The following PIEZO1 variants were observed in gnomAD, a reference collection of about 807,000 sequenced individuals.
PIEZO1 encodes the protein piezo-type mechanosensitive ion channel component 1.
PIEZO1 carries 296 observed loss-of-function variants against 297.2 expected under a neutral mutation model. The ratio of observed to expected loss-of-function variants is 1.00; its 90% CI spans 0.91 to 1.10. The LOEUF is 1.10. Ranked by LOEUF, PIEZO1 falls within the 50% of genes least tolerant of loss-of-function variation. The pLI, the probability that PIEZO1 is intolerant of heterozygous loss-of-function variation, is 0.00. For synonymous variants in PIEZO1, 2,427 were observed against 1,507.5 expected, an observed-to-expected ratio of 1.61 and a Z score of -14.13; for missense variants, 5,018 against 3,455.5, an observed-to-expected ratio of 1.45 and a Z score of -11.34.
intron 10 of PIEZO1, chr16:88,737,109 A>AAAGT (rs1257959669): frequency 4.2e-6 from 1 of 236,874 alleles, no homozygotes; most frequent in Non-Finnish European, 8.2e-6. Flanking sequence ...GTAAAGAAAG[A>AAAGT]AAGTAGCCAG....
chr16:88,717,778 C>A, intron 44 of PIEZO1: 4 of 451,048 alleles, frequency 8.9e-6, no homozygotes, highest in South Asian at 6.4e-5. Context: ...ACAGAGAATT[C>A]TTCCAATTCA....
chr16:88,747,506 A>T (rs915002265), intron 2 of PIEZO1, among the ~76,000 whole-genome samples: 1 of 152,024 alleles, frequency 6.6e-6, no homozygotes, highest in Non-Finnish European at 1.5e-5. Flanking sequence ...ACAGAGTGAG[A>T]CTCCATCTCA....
At position 88,715,478 on chromosome 16, in the gene PIEZO1, G is replaced by A. The variant is rs937824210; in HGVS notation, c.*127C>T. On this transcript the variant is annotated 3_prime_UTR_variant, in exon 51 of 51. Coordinates refer to ENST00000301015, the MANE Select transcript of PIEZO1 (RefSeq NM_001142864.4). ...AGCAGCATCAGGGCTCAGGCAGGCC[G>A]GGAGGATGCATCACAGCTGGCGGCC... 72 of 1,067,864 alleles carry A rather than the reference G, an allele frequency of 6.7e-5. No homozygotes were observed. The highest frequency in any genetic ancestry group is 4.0e-4 in the South Asian group (26 of 64,696). The allele number at this position is 1,067,864 out of a possible 1,614,324, so 66.1% of individuals were successfully genotyped here. A position where few individuals can be genotyped will look rare whatever the true frequency, so the allele number is the denominator to read the frequency against.
chr16:88,743,813 G>C (rs1013922756), intron 2 of PIEZO1: 2 of 375,966 alleles, frequency 5.3e-6, no homozygotes, highest in South Asian at 1.9e-5. Context: ...ACCTTCCTAG[G>C]GTTGCCCCAG....
rs1196029176 is a variant in PIEZO1, at chr16:88,726,641, G to A, written c.3702C>T (p.Leu1234=). 6.5e-7 allele frequency: 1 copy of A among 1,546,516 alleles called. No individual in the cohort carries two copies. Among genetic ancestry groups the A allele is most frequent in the South Asian group, 1.2e-5 (1 of 83,892 alleles). Residue 1234 remains leucine, a splice_region_variant and synonymous_variant, in exon 26 of 51, where the codon CTC becomes CTT. Coordinates refer to ENST00000301015, the MANE Select transcript of PIEZO1 (RefSeq NM_001142864.4). The stretch of plus-strand genomic sequence containing the variant: ...TCTGCTCCACGAAGACGCAGGCCAG[G>A]AGCTGGGGGAGAGCAGGGTCAGCGG... The part of the protein sequence containing the change: ...TVIISKNMLS[L]LACVFVEQMQ...
At chr16:88,767,363 C>A (rs1907225144) in intron 1 of PIEZO1, among the ~76,000 whole-genome samples, 1 of 152,134 alleles carries the variant, frequency 6.6e-6, no homozygotes, top group Non-Finnish European at 1.5e-5. Flanking sequence ...CTTTAAGTCA[C>A]AAAAACAGGC....
intron 48 of PIEZO1, 34 bp from the exon 49 acceptor site, chr16:88,716,311 C>T (rs775703527): frequency 6.7e-7 from 1 of 1,496,090 alleles, no homozygotes; most frequent in South Asian, 1.3e-5. Flanking sequence ...AGGCCTGGCC[C>T]AGCCAACCTG....
intron 1 of PIEZO1, among the ~76,000 whole-genome samples, chr16:88,770,036 G>A (rs929430604): frequency 4.6e-5 from 7 of 152,316 alleles, no homozygotes; most frequent in Non-Finnish European, 7.4e-5. Context: ...GAGAGGAAGT[G>A]AGGGACTGTT....
Position 88,738,702 on chromosome 16 carries a change from G to T in PIEZO1, c.500C>A (p.Thr167Lys). Residue 167 changes from threonine (T) to lysine (K), a missense_variant, in exon 6 of 51, where the codon ACG (threonine) becomes AAG (lysine). Transcript: ENST00000301015. ...CGTTGCTGCTTCCTGCAGCCCTGCC[G>T]TCGGGCTGGCATCCACATCCCTCTC... Reference protein sequence around the residue: ...DDERDVDASPTAGLQEAATLA... With the variant: ...DDERDVDASPKAGLQEAATLA... 2 of 1,533,674 alleles carry T rather than the reference G, an allele frequency of 1.3e-6. No homozygotes were observed. The highest frequency in any genetic ancestry group is 1.7e-6 in the Non-Finnish European group (2 of 1,145,160).
Position 88,730,988 on chromosome 16 carries a change from G to A in PIEZO1, c.3196+718C>T, listed in dbSNP as rs571316861. Among the ~76,000 whole-genome samples the A allele has an allele frequency of 1.8e-4, 27 of 151,562 alleles. No individual in the cohort carries two copies. The South Asian group carries it at 4.4e-3, about 24-fold the overall frequency. ...GGTGCCACTGTGGGGCAGGTGGGACGCCCCTGAGCCGGCCACGTGCACAAA... is the reference window on the plus strand; with the variant it reads ...GGTGCCACTGTGGGGCAGGTGGGACACCCCTGAGCCGGCCACGTGCACAAA... On this transcript the variant is annotated intron_variant, in intron 22 of 50. Coordinates refer to ENST00000301015, the MANE Select transcript of PIEZO1 (RefSeq NM_001142864.4).
At position 88,723,964 on chromosome 16, in the gene PIEZO1, G is replaced by A. The variant is rs1000476808; in HGVS notation, c.4242C>T (p.His1414=). ...ACTCAAACAGGAAGTAGTCCCCGGA[G>A]TGGATGACTGTGGGCAGGCAGCACT... The part of the protein sequence containing the change: ...RPWLDHATVI[H]SGDYFLFESD... The change falls in exon 31 of 51, where the codon CAC becomes CAT. Residue 1414 remains histidine, a synonymous_variant. Coordinates refer to ENST00000301015, the MANE Select transcript of PIEZO1 (RefSeq NM_001142864.4). 1.2e-4 allele frequency: 188 copies of A among 1,538,998 alleles called. No homozygotes were observed. The highest frequency in any genetic ancestry group is 1.6e-4 in the Non-Finnish European group (179 of 1,136,654).
At chr16:88,717,465 C>G in intron 44 of PIEZO1, 1 of 605,302 alleles carries the variant, frequency 1.7e-6, no homozygotes. Flanking sequence ...CCTTTTTCAA[C>G]ACGGTGCAGG....
intron 1 of PIEZO1, among the ~76,000 whole-genome samples, 179 bp downstream of exon 1, chr16:88,784,722 G>A (rs1032469514): frequency 1.8e-3 from 278 of 151,660 alleles, no homozygotes; most frequent in African/African-American, 6.4e-3. Context: ...CAGGAGCCCC[G>A]CCGCCGCCTG....
At chr16:88,723,582 G>A (rs566994154) in intron 31 of PIEZO1, among the ~76,000 whole-genome samples, 8 of 152,242 alleles carry the variant, frequency 5.3e-5, no homozygotes, top group East Asian at 3.8e-4. Context: ...ACAGCCAGGC[G>A]GCCAGCACAA....
At chr16:88,769,653 G>C (rs147984698) in intron 1 of PIEZO1, among the ~76,000 whole-genome samples, 1 of 152,182 alleles carries the variant, frequency 6.6e-6, no homozygotes, top group African/African-American at 2.4e-5. Flanking sequence ...CAGTCAGCAC[G>C]CAGGGAGCAG....
chr16:88,734,154 C>T (rs1172687714), intron 16 of PIEZO1, 100 bp from the exon 17 acceptor site: 4 of 1,389,440 alleles, frequency 2.9e-6, no homozygotes, highest in Non-Finnish European at 3.8e-6. Context: ...GCTGCAGCTG[C>T]CAGTTCAGGT....
rs1321532142 is a variant in PIEZO1 at position 88,715,592 on chromosome 16, C to CCAG, written c.*10_*12dup. The CCAG allele has an allele frequency of 1.3e-6, 2 of 1,547,268 alleles. No individual in the cohort carries two copies. Among genetic ancestry groups the CCAG allele is most frequent in the Middle Eastern group, 1.7e-4 (1 of 5,874 alleles). On this transcript the variant is annotated 3_prime_UTR_variant, in exon 51 of 51. Transcript: ENST00000301015. The stretch of plus-strand genomic sequence containing the variant: ...AGGCCGGCTCCTTCCCTCTCGGGCG[C>CCAG]CAGCAGCAGCTCCTACTCCTTCTCA...
intron 22 of PIEZO1, chr16:88,731,291 C>G (rs922048540): frequency 2.3e-5 from 5 of 218,616 alleles, no homozygotes; most frequent in African/African-American, 9.2e-5. Context: ...ATGGCACTGC[C>G]AGGAGACGGG....
chr16:88,727,436 G>T (rs554651723), intron 23 of PIEZO1, 121 bp downstream of exon 23: 1 of 638,954 alleles, frequency 1.6e-6, no homozygotes. Context: ...CCTGCAGGCC[G>T]CCATGTGCCT....
Sources: allele counts gnomAD v4.1 joint callset (sites outside exome capture counted in the v4.1 genomes callset), GRCh38; gene constraint gnomAD v4.1.1; transcripts MANE v1.5; gene names NCBI Gene and HGNC (gene_info 2026-07-23, HGNC 2026-07-21).